Variants in DOCK4 observed in about 807,000 individuals in gnomAD.
DOCK4 encodes dedicator of cytokinesis protein 4.
Under a neutral mutation model 268.1 loss-of-function variants are expected in DOCK4, and 97 were observed. The ratio of observed to expected loss-of-function variants is 0.36; its 90% CI spans 0.31 to 0.43. DOCK4 has a LOEUF of 0.43. DOCK4 is among the 20% of genes least tolerant of loss of function. The probability of loss-of-function intolerance (pLI) is 1.00; values close to 1 mark genes in which losing one functional copy is unlikely to be tolerated. For missense variants in DOCK4, 2,145 were observed against 2,455.7 expected (o/e 0.87, Z 2.67); for synonymous variants, 954 against 887.2 (o/e 1.08, Z -1.34).
intron 1 of DOCK4, among the ~76,000 whole-genome samples, chr7:112,161,350 C>T (rs1447531933): frequency 1.3e-5 from 2 of 152,144 alleles, no homozygotes; most frequent in Non-Finnish European, 2.9e-5. Context: ...ACCAGGTAAC[C>T]TGGATGCTAA....
chr7:111,855,520 T>G (rs1804929566), intron 23 of DOCK4, among the ~76,000 whole-genome samples: 1 of 152,164 alleles, frequency 6.6e-6, no homozygotes, highest in Non-Finnish European at 1.5e-5. Flanking sequence ...TTAAGGAGCC[T>G]GTGAGATATC....
At chr7:112,180,301 A>C (rs185378711) in intron 1 of DOCK4, among the ~76,000 whole-genome samples, 1 of 152,168 alleles carries the variant, frequency 6.6e-6, no homozygotes, top group Non-Finnish European at 1.5e-5. Context: ...CCCAACAAGC[A>C]TCAGAGGACC....
At position 111,976,269 on chromosome 7, in the gene DOCK4, T is replaced by TTA. The variant is rs60146972; in HGVS notation, c.701+861_701+862dup. Among the ~76,000 whole-genome samples the TTA allele has an allele frequency of 7.1e-3, 234 of 33,070 alleles. 5 individuals carry two copies. The highest frequency in any genetic ancestry group is 8.3e-3 in the Non-Finnish European group (156 of 18,704). The allele number at this position is 33,070 out of a possible 152,430, so 21.7% of individuals were successfully genotyped here. A position where few individuals can be genotyped will look rare whatever the true frequency, so the allele number is the denominator to read the frequency against. ...GTATATATATGTGTATGTGTGTCTA[T>TTA]TATATATATATATATATATATATAT... On this transcript the variant is annotated intron_variant, in intron 8 of 52. Coordinates refer to ENST00000428084, the MANE Select transcript of DOCK4 (RefSeq NM_001363540.2).
intron 1 of DOCK4, among the ~76,000 whole-genome samples, chr7:112,191,629 G>A (rs1330388738): frequency 6.6e-6 from 1 of 152,138 alleles, no homozygotes; most frequent in Non-Finnish European, 1.5e-5. Flanking sequence ...CCCAAAGCCT[G>A]GGGCTGTGCC....
chr7:111,894,390 G>A (rs1373923326), intron 16 of DOCK4, among the ~76,000 whole-genome samples: 2 of 151,994 alleles, frequency 1.3e-5, no homozygotes, highest in South Asian at 2.1e-4. Context: ...TGTTGTTCTC[G>A]AGGGGCTCAT....
At chr7:112,092,576 G>T (rs1052622695) in intron 1 of DOCK4, among the ~76,000 whole-genome samples, 4 of 152,046 alleles carry the variant, frequency 2.6e-5, no homozygotes, top group Non-Finnish European at 5.9e-5. Context: ...TGAGAACTCT[G>T]GGCCTGAAGC....
intron 1 of DOCK4, among the ~76,000 whole-genome samples, chr7:112,170,516 C>A (rs1170962504): frequency 1.3e-5 from 2 of 151,770 alleles, no homozygotes; most frequent in African/African-American, 4.8e-5. Flanking sequence ...TAGGAGCAGA[C>A]CATACTTATC....
intron 11 of DOCK4, among the ~76,000 whole-genome samples, chr7:111,937,549 G>T (rs1794843951): frequency 6.6e-6 from 1 of 152,288 alleles, no homozygotes; most frequent in African/African-American, 2.4e-5. Flanking sequence ...CTCATAAAGG[G>T]TGATGATGGG....
intron 15 of DOCK4, among the ~76,000 whole-genome samples, chr7:111,898,766 T>A (rs1383184617): frequency 6.6e-6 from 1 of 152,234 alleles, no homozygotes; most frequent in Admixed American, 6.5e-5. Flanking sequence ...TTGCTGTTTC[T>A]TCTGACTTTT....
chr7:111,922,985 TTTTAA>T (rs1793281354), intron 12 of DOCK4, among the ~76,000 whole-genome samples: 1 of 152,304 alleles, frequency 6.6e-6, no homozygotes, highest in South Asian at 2.1e-4. Flanking sequence ...TTATTCCCCC[TTTTAA>T]ATATGGCAGG....
At chr7:111,867,332 C>A in intron 22 of DOCK4, among the ~76,000 whole-genome samples, 1 of 151,946 alleles carries the variant, frequency 6.6e-6, no homozygotes, top group East Asian at 1.9e-4. Context: ...GGTTTTTAAC[C>A]AAGTCATTAG....
At chr7:111,809,543 G>C in intron 28 of DOCK4, 142 bp from the exon 29 acceptor site, 1 of 639,292 alleles carries the variant, frequency 1.6e-6, no homozygotes, top group Non-Finnish European at 2.8e-6. Context: ...AATAGTTGAA[G>C]CTGGATATGG....
chr7:112,187,626 G>A (rs1819588762), intron 1 of DOCK4, among the ~76,000 whole-genome samples: 1 of 152,144 alleles, frequency 6.6e-6, no homozygotes, highest in African/African-American at 2.4e-5. Context: ...GCGCTCAGAA[G>A]CCACCACTTC....
At position 111,745,679 on chromosome 7, in the gene DOCK4, G is replaced by A. The variant is rs1429627455; in HGVS notation, c.4677+655C>T. ...AGCCTGGGTGACAGAGGGAGACTCC[G>A]TCTTAAAAAAAAAAAAAAAAAAAAA... On this transcript the variant is annotated intron_variant, in intron 44 of 52. Coordinates refer to ENST00000428084, the MANE Select transcript of DOCK4 (RefSeq NM_001363540.2). Among the ~76,000 whole-genome samples the A allele has an allele frequency of 2.3e-4, 10 of 43,542 alleles. No homozygotes were observed. The South Asian group carries it at 7.8e-3, about 34-fold the overall frequency. The allele number at this position is 43,542 out of a possible 152,430, so 28.6% of individuals were successfully genotyped here. A position where few individuals can be genotyped will look rare whatever the true frequency, so the allele number is the denominator to read the frequency against.
At chr7:112,094,764 T>C (rs1317628256) in intron 1 of DOCK4, among the ~76,000 whole-genome samples, 1 of 152,164 alleles carries the variant, frequency 6.6e-6, no homozygotes, top group Non-Finnish European at 1.5e-5. Context: ...GTGGTAGTTG[T>C]ATGGGTCATG....
rs181347605 is a variant in DOCK4 at position 112,046,939 on chromosome 7, G to A, written c.38-42808C>T. On this transcript the variant is annotated intron_variant, in intron 1 of 52. Coordinates refer to ENST00000428084, the MANE Select transcript of DOCK4 (RefSeq NM_001363540.2). ...GCAGCAGCGAGGAAAAAGCTACAAAGAGAAAGAATCACAGAAATCTGCAAA... is the reference window on the plus strand; with the variant it reads ...GCAGCAGCGAGGAAAAAGCTACAAAAAGAAAGAATCACAGAAATCTGCAAA... 5.9e-5 allele frequency among the ~76,000 whole-genome samples: 9 copies of A among 152,254 alleles called. No homozygotes were observed. In the East Asian group the frequency reaches 1.7e-3, roughly 29 times the overall value.
intron 1 of DOCK4, among the ~76,000 whole-genome samples, chr7:112,045,535 G>A (rs1185203836): frequency 6.6e-6 from 1 of 152,134 alleles, no homozygotes; most frequent in African/African-American, 2.4e-5. Flanking sequence ...TAAAACACAT[G>A]AACAACTCAG....
chr7:112,205,972 G>T, intron 1 of DOCK4, 130 bp downstream of exon 1: 1 of 1,060,224 alleles, frequency 9.4e-7, no homozygotes, highest in Non-Finnish European at 1.4e-6. Context: ...GCAAAGCCCC[G>T]TACCAGCTGC....
At chr7:112,117,576 G>A (rs1194168138) in intron 1 of DOCK4, among the ~76,000 whole-genome samples, 3 of 152,078 alleles carry the variant, frequency 2.0e-5, no homozygotes, top group Non-Finnish European at 4.4e-5. Flanking sequence ...TCACCATGTT[G>A]GCCAGGCTGG....
Sources: allele counts gnomAD v4.1 joint callset (sites outside exome capture counted in the v4.1 genomes callset), GRCh38; gene constraint gnomAD v4.1.1; transcripts MANE v1.5; gene names NCBI Gene and HGNC (gene_info 2026-07-23, HGNC 2026-07-21).